CEBPZOS: variants seen among roughly 807,000 people sequenced by gnomAD.
CEBPZOS encodes the protein protein CEBPZOS.
Under a neutral mutation model 4.8 loss-of-function variants are expected in CEBPZOS, and 10 were observed. The observed-to-expected ratio is 2.07, with a 90% CI of 1.28 to 3.52. CEBPZOS has a LOEUF of 3.52. Among genes scored for constraint, CEBPZOS ranks in the 30% most tolerant of loss-of-function variants. The pLI is 0.00. For missense variants in CEBPZOS, 98 were observed against 43.6 expected (o/e 2.25, Z -3.51); for synonymous variants, 25 against 14.2 (o/e 1.77, Z -1.72).
In CEBPZOS at chr2:37,212,406, C is replaced by T. The variant is rs770544326; in HGVS notation, c.*3-1031C>T. ...CTTCAAATGTGTCTGCCAGACAATA[C>T]AGAAATGTGAGATACAACAAAGAAT... On this transcript the variant is annotated intron_variant, in intron 4 of 4. Transcript: ENST00000397064. The T allele has an allele frequency of 5.0e-6, 8 of 1,606,034 alleles. No individual in the cohort carries two copies. In the African/African-American group the frequency reaches 5.4e-5, roughly 11 times the overall value.
chr2:37,196,723 C>G (rs542168801), intron 1 of CEBPZOS: 2 of 146,938 alleles, frequency 1.4e-5, no homozygotes, highest in East Asian at 2.0e-4. Context: ...GGCCGTGCTC[C>G]GTGCGTGCCC....
downstream of CEBPZOS, chr2:37,214,908 C>A: frequency 1.2e-6 from 2 of 1,610,690 alleles, no homozygotes; most frequent in Non-Finnish European, 1.7e-6. Context: ...ACTTCATCCA[C>A]TGGTATTTGG....
intron 2 of CEBPZOS, 62 bp downstream of exon 2, chr2:37,199,881 G>A (rs1376585622): frequency 1.5e-6 from 1 of 677,844 alleles, no homozygotes; most frequent in Non-Finnish European, 2.8e-6. Flanking sequence ...TCCATTTTAT[G>A]TGTTAAATGG....
chr2:37,210,884 C>A, intron 4 of CEBPZOS: 5 of 414,308 alleles, frequency 1.2e-5, no homozygotes, highest in South Asian at 5.0e-5. Context: ...TTAAAAAGAA[C>A]CCCCCCCACC....
chr2:37,200,661 GA>G (rs59736571), intron 2 of CEBPZOS, among the ~76,000 whole-genome samples: 107,878 of 147,508 alleles, frequency 0.73, 39,921 homozygotes, highest in East Asian at 0.97. Flanking sequence ...TGTATCTTAA[GA>G]AAAAAAAAAA....
At chr2:37,215,992 T>TAAG (rs1300029009), downstream of CEBPZOS, 5 of 570,456 alleles carry the variant, frequency 8.8e-6, no homozygotes, top group Non-Finnish European at 1.5e-5. Context: ...ACAGTAGATT[T>TAAG]AAGAATACCT....
At chr2:37,210,987 G>GTTC (rs776031565) in intron 4 of CEBPZOS, 5 of 1,578,258 alleles carry the variant, frequency 3.2e-6, no homozygotes, top group Non-Finnish European at 4.3e-6. Context: ...GATATTAAAT[G>GTTC]TATTTTCTTA....
At chr2:37,212,852 C>G (rs147452302) in intron 4 of CEBPZOS, among the ~76,000 whole-genome samples, 3 of 119,794 alleles carry the variant, frequency 2.5e-5, no homozygotes, top group Non-Finnish European at 5.3e-5. Context: ...AAAAAAAAAA[C>G]AAAAACAACA....
At chr2:37,199,859 T>C (rs1203161194) in intron 2 of CEBPZOS, 40 bp downstream of exon 2, 6 of 699,528 alleles carry the variant, frequency 8.6e-6, no homozygotes, top group African/African-American at 1.8e-5. Flanking sequence ...TAAAGGGGTA[T>C]AGTTTTGCTA....
At chr2:37,213,813 A>T (rs1269161886), downstream of CEBPZOS, 1 of 1,243,118 alleles carries the variant, frequency 8.0e-7, no homozygotes, top group Non-Finnish European at 1.2e-6. Context: ...TCCATGGTCT[A>T]TTAACACATA....
intron 4 of CEBPZOS, chr2:37,211,986 G>T: frequency 6.2e-7 from 1 of 1,612,242 alleles, no homozygotes; most frequent in Non-Finnish European, 8.5e-7. Context: ...ACTACCTTCT[G>T]AATCTTCATC....
At chr2:37,201,397 G>A in intron 3 of CEBPZOS, 1 of 499,148 alleles carries the variant, frequency 2.0e-6, no homozygotes, top group Non-Finnish European at 3.5e-6. Flanking sequence ...TAACTTCTTG[G>A]AGCTGTCTCT....
At chr2:37,212,740 A>C (rs1282366242) in intron 4 of CEBPZOS, 1 of 228,212 alleles carries the variant, frequency 4.4e-6, no homozygotes, top group Non-Finnish European at 8.6e-6. Context: ...GGTGTGATAC[A>C]ATATGTAACA....
At chr2:37,209,935 G>T (rs1163233612) in intron 4 of CEBPZOS, 4 of 151,882 alleles carry the variant, frequency 2.6e-5, no homozygotes, top group Non-Finnish European at 5.9e-5. Context: ...AAGTCAGCAA[G>T]AAAAAAACAA....
chr2:37,209,422 C>T (rs1677646811), downstream of CEBPZOS: 1 of 152,180 alleles, frequency 6.6e-6, no homozygotes, highest in Non-Finnish European at 1.5e-5. Context: ...ACCAAAATAG[C>T]ATGGTACTTG....
chr2:37,201,425 A>G, intron 3 of CEBPZOS: 1 of 524,696 alleles, frequency 1.9e-6, no homozygotes, highest in Non-Finnish European at 3.4e-6. Context: ...TCAAGTAGAT[A>G]AAGACTGAAC....
chr2:37,213,062 C>T (rs1275611307), intron 4 of CEBPZOS, among the ~76,000 whole-genome samples: 2 of 151,572 alleles, frequency 1.3e-5, no homozygotes, highest in Non-Finnish European at 3.0e-5. Flanking sequence ...ACAAACAAAC[C>T]CCCCAAAAAA....
rs940406081 is a variant in CEBPZOS at position 37,196,529 on chromosome 2, C to T, written c.-2+9C>T. On this transcript the variant is annotated intron_variant, in intron 1 of 4. Coordinates refer to ENST00000402297, the MANE Select transcript of CEBPZOS (RefSeq NM_001322374.2). ...CCTTGAACGCACCTCAGGTAAGACTCTGGCGAGTGGCTTCCCATGGGCGGT... is the reference window on the plus strand; with the variant it reads ...CCTTGAACGCACCTCAGGTAAGACTTTGGCGAGTGGCTTCCCATGGGCGGT... 1.3e-5 allele frequency: 2 copies of T among 152,260 alleles called. No homozygotes were observed. The highest frequency in any genetic ancestry group is 1.3e-4 in the Admixed American group (2 of 15,288). 9.4% of individuals were successfully genotyped at this position (152,260 alleles called of 1,614,324 possible). A position where few individuals can be genotyped will look rare whatever the true frequency, so the allele number is the denominator to read the frequency against.
chr2:37,211,990 C>T (rs1243108260), intron 4 of CEBPZOS: 1 of 1,611,940 alleles, frequency 6.2e-7, no homozygotes, highest in South Asian at 1.1e-5. Context: ...CCTTCTGAAT[C>T]TTCATCTAAT....
Sources: gnomAD v4.1 joint callset for allele counts (sites outside exome capture counted in the v4.1 genomes callset) on GRCh38, gnomAD v4.1.1 for gene constraint, MANE v1.5 for transcripts, NCBI Gene and HGNC (gene_info 2026-07-23, HGNC 2026-07-21) for gene names.